The following WNK2 variants were observed in gnomAD, a reference collection of about 807,000 sequenced individuals.
WNK2 encodes serine/threonine-protein kinase WNK2.
Under a neutral mutation model 192.1 loss-of-function variants are expected in WNK2, and 67 were observed. The ratio of observed to expected loss-of-function variants is 0.35; its 90% CI spans 0.29 to 0.43. The LOEUF is 0.43. Ranked by LOEUF, WNK2 falls within the 20% of genes least tolerant of loss-of-function variation. The probability of loss-of-function intolerance (pLI) is 1.00; values close to 1 mark genes in which losing one functional copy is unlikely to be tolerated. For missense variants in WNK2, 2,698 were observed against 3,089.7 expected (o/e 0.87, Z 3.01); for synonymous variants, 1,439 against 1,393.9 (o/e 1.03, Z -0.72).
At chr9:93,320,096 A>G in intron 29 of WNK2, among the ~76,000 whole-genome samples, 1 of 152,190 alleles carries the variant, frequency 6.6e-6, no homozygotes, top group South Asian at 2.1e-4. Context: ...CTCACTCCCC[A>G]GATGCTCCAG....
At chr9:93,260,242 C>T (rs1179758611) in intron 12 of WNK2, among the ~76,000 whole-genome samples, 1 of 152,154 alleles carries the variant, frequency 6.6e-6, no homozygotes, top group Non-Finnish European at 1.5e-5. Flanking sequence ...CAGGGATCCA[C>T]ACCCCTACAC....
Position 93,292,833 on chromosome 9 carries a change from C to T in WNK2, c.5368C>T (p.Arg1790Trp), listed in dbSNP as rs370781276. 4.4e-5 allele frequency: 66 copies of T among 1,502,240 alleles called. No homozygotes were observed. Among genetic ancestry groups the T allele is most frequent in the African/African-American group, 9.8e-5 (7 of 71,630 alleles). 93.1% of individuals were successfully genotyped at this position (1,502,240 alleles called of 1,614,324 possible). The change falls in exon 23 of 30, where the codon CGG becomes TGG. Residue 1790 changes from arginine to tryptophan, a missense_variant. Arg to Trp is a moderately radical substitution (Grantham distance 101, BLOSUM62 -3). This residue lies in a region of WNK2 where 1,098 missense variants were observed against 1,101.0 expected (regional missense o/e 1.00). Coordinates refer to ENST00000427277, the MANE Select transcript of WNK2 (RefSeq NM_006648.4). ...CCCCGACGTGAAGCTGGCAGTGCGG[C>T]GGGCGCAGACGGCCTCCTCCATCGA... ...SSPDVKLAVRRAQTASSIEVG... is the reference protein window; with the variant it reads ...SSPDVKLAVRWAQTASSIEVG...
chr9:93,202,366 G>GTGTGTGTA (rs924365964), intron 2 of WNK2, among the ~76,000 whole-genome samples: 1 of 149,598 alleles, frequency 6.7e-6, no homozygotes, highest in Non-Finnish European at 1.5e-5. Flanking sequence ...GTGTGTGTGT[G>GTGTGTGTA]TATGTCTCGT....
chr9:93,216,957 C>CA (rs1371684970), intron 2 of WNK2, among the ~76,000 whole-genome samples: 1 of 149,700 alleles, frequency 6.7e-6, no homozygotes, highest in Non-Finnish European at 1.5e-5. Context: ...CAATAAGATT[C>CA]AAAAAAATCT....
chr9:93,269,802 C>G (rs1845766521), intron 19 of WNK2, among the ~76,000 whole-genome samples: 1 of 152,006 alleles, frequency 6.6e-6, no homozygotes, highest in Admixed American at 6.6e-5. Context: ...CACTGAGTGA[C>G]CTCAGGAAAC....
At chr9:93,276,462 A>G (rs766648980) in intron 19 of WNK2, among the ~76,000 whole-genome samples, 2 of 152,350 alleles carry the variant, frequency 1.3e-5, no homozygotes, top group Non-Finnish European at 2.9e-5. Flanking sequence ...GTAAAATGCA[A>G]AAACTGTGTA....
chr9:93,306,666 T>C, intron 26 of WNK2, 111 bp from the exon 27 acceptor site: 1 of 1,354,474 alleles, frequency 7.4e-7, no homozygotes, highest in Non-Finnish European at 1.1e-6. Context: ...CTGCTGCCTG[T>C]GTCTGCCCCT....
At position 93,290,073 on chromosome 9, in the gene WNK2, G is replaced by A. The variant is rs374027790; in HGVS notation, c.4936+26G>A. Reference sequence around the variant, plus strand: ...GTAACAGCTTCCTGCTGAACCCTGCGTTCACAAGGTGCTGCCTGGCTTCCT... The same window carrying A: ...GTAACAGCTTCCTGCTGAACCCTGCATTCACAAGGTGCTGCCTGGCTTCCT... On this transcript the variant is annotated intron_variant, in intron 21 of 29. Transcript: ENST00000427277. 327 of 1,551,610 alleles carry A rather than the reference G, an allele frequency of 2.1e-4. 2 individuals are homozygous for A. Among genetic ancestry groups the A allele is most frequent in the Admixed American group, 2.1e-4 (11 of 51,346 alleles).
At chr9:93,221,821 T>A (rs1400138555) in intron 2 of WNK2, among the ~76,000 whole-genome samples, 3 of 152,086 alleles carry the variant, frequency 2.0e-5, no homozygotes, top group Non-Finnish European at 4.4e-5. Flanking sequence ...TCCGTGGGAA[T>A]GGAGGTTGCG....
In WNK2 at chr9:93,247,637, T is replaced by A. The variant is rs1466348917; in HGVS notation, c.1637T>A (p.Ile546Asn). 2 of 1,591,254 alleles carry A rather than the reference T, an allele frequency of 1.3e-6. No homozygotes were observed. Among genetic ancestry groups the A allele is most frequent in the African/African-American group, 2.7e-5 (2 of 74,450 alleles). The change falls in exon 8 of 30, where the codon ATC becomes AAC. Residue 546 changes from isoleucine (I) to asparagine (N), a missense_variant. By Grantham distance (149) the Ile-to-Asn change is moderately radical. Transcript: ENST00000427277. The surrounding 1 kb of genome is among the most constrained non-coding windows in gnomAD (Gnocchi z 5.2). ...TTGATCCAGTGGCGGCGGGAGAGGA[T>A]CTGGCCCGCGCTGCAGCCCAAGGAG... ...VALIQWRRER[I>N]WPALQPKEQQ...
intron 2 of WNK2, among the ~76,000 whole-genome samples, chr9:93,192,343 A>G (rs1830480505): frequency 6.6e-6 from 1 of 150,408 alleles, no homozygotes; most frequent in Non-Finnish European, 1.5e-5. Context: ...GAGAGAAGGT[A>G]GGAATCATGG....
At chr9:93,315,512 A>T (rs1376751757) in intron 28 of WNK2, 1 of 152,208 alleles carries the variant, frequency 6.6e-6, no homozygotes, top group African/African-American at 2.4e-5. Flanking sequence ...TGGACCCTGT[A>T]AACTTTTCAG....
chr9:93,272,733 C>A (rs4743907), intron 19 of WNK2, among the ~76,000 whole-genome samples: 99,491 of 119,658 alleles, frequency 0.83, 40,065 homozygotes, highest in East Asian at 1. Context: ...AGCGAAACTC[C>A]GTCTCAAAAA....
intron 2 of WNK2, among the ~76,000 whole-genome samples, chr9:93,200,651 G>A (rs1277746243): frequency 6.6e-6 from 1 of 152,188 alleles, no homozygotes; most frequent in Admixed American, 6.5e-5. Flanking sequence ...AGAGGATGCC[G>A]GAGCATGGCC....
At chr9:93,313,043 TGA>T (rs1468667428) in intron 28 of WNK2, among the ~76,000 whole-genome samples, 2 of 152,262 alleles carry the variant, frequency 1.3e-5, no homozygotes, top group Non-Finnish European at 2.9e-5. Context: ...TAGTTCCATT[TGA>T]TCACCTTCAT....
chr9:93,211,883 C>T (rs538620610), intron 2 of WNK2, among the ~76,000 whole-genome samples: 5,217 of 151,920 alleles, frequency 0.034, 294 homozygotes, highest in African/African-American at 0.12. Context: ...CATTCACACA[C>T]TCACACATTT....
intron 2 of WNK2, among the ~76,000 whole-genome samples, chr9:93,188,759 G>A (rs752865480): frequency 1.3e-5 from 2 of 152,102 alleles, no homozygotes; most frequent in African/African-American, 2.4e-5. Context: ...TGCCATAGCC[G>A]GCCCAGCTAC....
intron 2 of WNK2, among the ~76,000 whole-genome samples, chr9:93,208,167 A>G (rs1474000996): frequency 6.6e-5 from 10 of 152,242 alleles, no homozygotes; most frequent in Non-Finnish European, 1.3e-4. Flanking sequence ...GGACGTCCCC[A>G]GGTCCAAATT....
intron 2 of WNK2, among the ~76,000 whole-genome samples, chr9:93,208,035 G>T (rs1426307076): frequency 6.6e-6 from 1 of 152,116 alleles, no homozygotes; most frequent in Non-Finnish European, 1.5e-5. Flanking sequence ...TCCTCCCCAG[G>T]CCCTGCCTCC....
Sources: gnomAD v4.1 joint callset for allele counts (sites outside exome capture counted in the v4.1 genomes callset) on GRCh38, gnomAD v4.1.1 for gene constraint, gnomAD v4.1.1 regional missense constraint, Gnocchi (gnomAD v3.1) non-coding constraint, MANE v1.5 for transcripts, NCBI Gene and HGNC (gene_info 2026-07-23, HGNC 2026-07-21) for gene names.